CCDC178: variants seen among roughly 807,000 people sequenced by gnomAD.
CCDC178 encodes the protein coiled-coil domain-containing protein 178.
Under a neutral mutation model 117.4 loss-of-function variants are expected in CCDC178, and 126 were observed. The observed-to-expected ratio is 1.07, with a 90% CI of 0.93 to 1.24. The LOEUF is 1.24. CCDC178 is among the 50% of genes most tolerant of loss of function. CCDC178 has a pLI of 0.00. For synonymous variants in CCDC178, 283 were observed against 313.4 expected (o/e 0.90, Z 1.02); for missense variants, 1,030 against 986.9 (o/e 1.04, Z -0.59).
chr18:33,434,150 C>T (rs950092438), intron 2 of CCDC178, among the ~76,000 whole-genome samples: 1 of 151,972 alleles, frequency 6.6e-6, no homozygotes, highest in African/African-American at 2.4e-5. Context: ...TTAAGAGAAA[C>T]AGGTTTTGTT....
chr18:33,033,845 A>G (rs1439323412), intron 21 of CCDC178, among the ~76,000 whole-genome samples: 2 of 152,064 alleles, frequency 1.3e-5, no homozygotes, highest in African/African-American at 2.4e-5. Flanking sequence ...TTCAAATTAT[A>G]TGTTCATTCT....
At chr18:33,247,229 G>A (rs1185320416) in intron 14 of CCDC178, among the ~76,000 whole-genome samples, 5 of 151,800 alleles carry the variant, frequency 3.3e-5, no homozygotes, top group Admixed American at 3.3e-4. Flanking sequence ...CTAGCAATCA[G>A]AGTGTGAACC....
intron 6 of CCDC178, among the ~76,000 whole-genome samples, chr18:33,368,601 T>C (rs1172085717): frequency 6.6e-6 from 1 of 151,950 alleles, no homozygotes; most frequent in Non-Finnish European, 1.5e-5. Flanking sequence ...TTATCAACTG[T>C]TCAGAGCACC....
chr18:33,208,928 T>C (rs1269592182), intron 20 of CCDC178, among the ~76,000 whole-genome samples: 3 of 152,068 alleles, frequency 2.0e-5, no homozygotes, highest in African/African-American at 4.8e-5. Flanking sequence ...GTGTAGTTCA[T>C]TGTATTTCTC....
intron 20 of CCDC178, among the ~76,000 whole-genome samples, chr18:33,202,325 G>T (rs1032893484): frequency 1.3e-5 from 2 of 150,268 alleles, no homozygotes; most frequent in African/African-American, 2.5e-5. Flanking sequence ...CCGGTGGGGC[G>T]GGGGTTGCAG....
Position 33,020,572 on chromosome 18 carries a change from G to A in CCDC178, c.2389-45891C>T, listed in dbSNP as rs543733727. On this transcript the variant is annotated intron_variant, in intron 21 of 22. Coordinates refer to ENST00000383096, the MANE Select transcript of CCDC178 (RefSeq NM_001105528.4). ...TGTTTTTAAAGTATAAAGTAGTTGT[G>A]AATGTATGTGGTGTGTGTTTACTTT... Among the ~76,000 whole-genome samples the A allele has an allele frequency of 1.4e-4, 21 of 152,286 alleles. No homozygotes were observed. In the South Asian group the frequency reaches 3.5e-3, roughly 26 times the overall value.
chr18:33,103,149 G>A (rs156366), intron 20 of CCDC178, among the ~76,000 whole-genome samples: 21,607 of 151,680 alleles, frequency 0.14, 2,394 homozygotes, highest in African/African-American at 0.31. Context: ...CCACATTGCT[G>A]GGGAGGCCTG....
intron 10 of CCDC178, among the ~76,000 whole-genome samples, chr18:33,324,113 C>G (rs2062554351): frequency 6.6e-6 from 1 of 151,718 alleles, no homozygotes; most frequent in African/African-American, 2.4e-5. Flanking sequence ...TACTAATGAA[C>G]AAACATCATA....
chr18:33,062,766 C>A (rs1360317180), intron 21 of CCDC178, among the ~76,000 whole-genome samples: 1 of 152,048 alleles, frequency 6.6e-6, no homozygotes, highest in East Asian at 1.9e-4. Flanking sequence ...ATTTTGAGAC[C>A]CTAGACCCCA....
At position 33,092,842 on chromosome 18, in the gene CCDC178, T is replaced by C. The variant is rs931185021; in HGVS notation, c.2307A>G (p.Thr769=). The C allele has an allele frequency of 1.9e-6, 3 of 1,583,982 alleles. No homozygotes were observed. Among genetic ancestry groups the C allele is most frequent in the Admixed American group, 3.6e-5 (2 of 56,324 alleles). ...AATAATTGTCCTTTTCTTTTAAGAA[T>C]GTAATCTGTAGCTGTTGATACTCTT... The part of the protein sequence containing the change: ...LAQEYQQLQI[T]FLKEKDNYFN... Residue 769 remains threonine, a synonymous_variant, in exon 21 of 23, where the codon ACA becomes ACG. Transcript: ENST00000383096.
intron 12 of CCDC178, among the ~76,000 whole-genome samples, chr18:33,280,375 G>C (rs1359576508): frequency 6.6e-6 from 1 of 151,526 alleles, no homozygotes; most frequent in East Asian, 1.9e-4. Flanking sequence ...CTGGCCATCA[G>C]AGAAATGCAA....
At chr18:33,440,514 T>A (rs2064369680) in intron 1 of CCDC178, 139 bp downstream of exon 1, 1 of 151,800 alleles carries the variant, frequency 6.6e-6, no homozygotes. Flanking sequence ...TCTAACTCCC[T>A]CAGGGTGGCC....
At chr18:33,417,233 A>T (rs2063955553) in intron 2 of CCDC178, among the ~76,000 whole-genome samples, 1 of 152,198 alleles carries the variant, frequency 6.6e-6, no homozygotes, top group South Asian at 2.1e-4. Flanking sequence ...ATTGTGGTAC[A>T]TCCATACAAT....
At chr18:33,368,797 C>A (rs549352383) in intron 6 of CCDC178, among the ~76,000 whole-genome samples, 1 of 152,034 alleles carries the variant, frequency 6.6e-6, no homozygotes, top group Non-Finnish European at 1.5e-5. Flanking sequence ...TGTAGTAAAA[C>A]ATAATGTCTG....
intron 11 of CCDC178, chr18:33,323,160 C>G (rs1411083355): frequency 6.3e-6 from 1 of 158,154 alleles, no homozygotes; most frequent in Admixed American, 6.5e-5. Flanking sequence ...TAATCATATC[C>G]CATGCTGGAT....
intron 12 of CCDC178, among the ~76,000 whole-genome samples, chr18:33,279,456 T>C (rs1199903240): frequency 6.6e-6 from 1 of 152,064 alleles, no homozygotes; most frequent in East Asian, 1.9e-4. Context: ...TAAAAGAGGA[T>C]ACAAACAAAT....
intron 2 of CCDC178, among the ~76,000 whole-genome samples, chr18:33,416,746 C>T (rs2063946770): frequency 6.6e-6 from 1 of 152,032 alleles, no homozygotes; most frequent in African/African-American, 2.4e-5. Flanking sequence ...CACCACAACC[C>T]AGCAGTAAAA....
At chr18:33,067,367 G>A (rs911571362) in intron 21 of CCDC178, among the ~76,000 whole-genome samples, 2 of 152,056 alleles carry the variant, frequency 1.3e-5, no homozygotes, top group Non-Finnish European at 2.9e-5. Flanking sequence ...TGCTAAGAGG[G>A]AAGTTTAAAC....
At position 33,416,671 on chromosome 18, in the gene CCDC178, AC is replaced by A. The variant is rs1441604115; in HGVS notation, c.-22-4562del. Reference sequence around the variant, plus strand: ...AACTATGTGGGGAGCCTGGACTTCCACCCACTCCCACAAGTAAAGAAGTACC... The same window carrying A: ...AACTATGTGGGGAGCCTGGACTTCCACCACTCCCACAAGTAAAGAAGTACC... On this transcript the variant is annotated intron_variant, in intron 2 of 22. Coordinates refer to ENST00000383096, the MANE Select transcript of CCDC178 (RefSeq NM_001105528.4). Among the ~76,000 whole-genome samples, 3 of 152,014 alleles carry A rather than the reference AC, an allele frequency of 2.0e-5. No homozygotes were observed. The East Asian group carries it at 5.8e-4, about 29-fold the overall frequency.
Sources: gnomAD v4.1 joint callset for allele counts (sites outside exome capture counted in the v4.1 genomes callset) on GRCh38, gnomAD v4.1.1 for gene constraint, MANE v1.5 for transcripts, NCBI Gene and HGNC (gene_info 2026-07-23, HGNC 2026-07-21) for gene names.